TRHDE: variants seen among roughly 807,000 people sequenced by gnomAD.
The protein encoded by TRHDE is thyrotropin releasing hormone degrading enzyme.
Under a neutral mutation model 125.7 loss-of-function variants are expected in TRHDE, and 72 were observed. That is an observed-to-expected ratio of 0.57 (90% CI 0.47 to 0.70). The LOEUF is 0.70. Ranked by LOEUF, TRHDE falls within the 30% of genes least tolerant of loss-of-function variation. TRHDE has a pLI of 0.00. For synonymous variants in TRHDE, 509 were observed against 509.1 expected (o/e 1.00, Z 0.00); for missense variants, 1,110 against 1,327.1 (o/e 0.84, Z 2.54).
At chr12:72,127,338 A>G (rs1328190956) in intron 2 of TRHDE, among the ~76,000 whole-genome samples, 1 of 152,220 alleles carries the variant, frequency 6.6e-6, no homozygotes, top group Non-Finnish European at 1.5e-5. Flanking sequence ...ATTACTAGGT[A>G]TATGTCCAAA....
chr12:72,490,781 G>A (rs1877638429), intron 5 of TRHDE, among the ~76,000 whole-genome samples: 1 of 149,024 alleles, frequency 6.7e-6, no homozygotes, highest in Non-Finnish European at 1.5e-5. Flanking sequence ...AACAACCCTT[G>A]AATATATAGA....
chr12:72,337,922 CTT>C (rs1267384359), intron 2 of TRHDE, among the ~76,000 whole-genome samples: 1 of 151,842 alleles, frequency 6.6e-6, no homozygotes, highest in Non-Finnish European at 1.5e-5. Flanking sequence ...ACTAGCAACA[CTT>C]TTAGGTAAGA....
intron 2 of TRHDE, among the ~76,000 whole-genome samples, chr12:72,109,351 C>T (rs536555208): frequency 6.6e-6 from 1 of 152,014 alleles, no homozygotes; most frequent in African/African-American, 2.4e-5. Context: ...TTTGTGATTT[C>T]TCCTGAGGTT....
At chr12:72,105,098 G>A (rs1484056810) in intron 1 of TRHDE, among the ~76,000 whole-genome samples, 3 of 152,108 alleles carry the variant, frequency 2.0e-5, no homozygotes, top group Non-Finnish European at 4.4e-5. Context: ...CAAGGAAGTG[G>A]GCCTCAGACT....
intron 2 of TRHDE, among the ~76,000 whole-genome samples, chr12:72,305,427 A>T (rs1868325822): frequency 6.6e-6 from 1 of 152,214 alleles, no homozygotes; most frequent in Non-Finnish European, 1.5e-5. Context: ...GACTTCTGCA[A>T]ATGAAATCAC....
intron 2 of TRHDE, among the ~76,000 whole-genome samples, chr12:72,357,301 C>G (rs1442348505): frequency 1.3e-5 from 2 of 151,260 alleles, no homozygotes; most frequent in African/African-American, 4.8e-5. Context: ...CAAAAAATAC[C>G]AAGATGTTTT....
chr12:72,551,294 A>G (rs919983821), intron 7 of TRHDE, among the ~76,000 whole-genome samples: 2 of 152,078 alleles, frequency 1.3e-5, no homozygotes, highest in African/African-American at 4.8e-5. Context: ...TATGGAAGAG[A>G]GAGCTTCATG....
rs941733969 is a variant in TRHDE, at chr12:72,521,384, G to A, written c.1723-20907G>A. 9.2e-5 allele frequency among the ~76,000 whole-genome samples: 14 copies of A among 152,162 alleles called. No individual in the cohort carries two copies. The East Asian group carries it at 1.2e-3, about 13-fold the overall frequency. On this transcript the variant is annotated intron_variant, in intron 6 of 18. Transcript: ENST00000261180. ...AACAGCATAAGGAGCTCAGAAAAGC[G>A]CTATGCCAAGGCTATCTTGGAGCTC...
At chr12:72,364,854 T>TA in intron 2 of TRHDE, among the ~76,000 whole-genome samples, 1 of 152,228 alleles carries the variant, frequency 6.6e-6, no homozygotes, top group South Asian at 2.1e-4. Flanking sequence ...TACCTGGCTG[T>TA]CAGTCTTGCT....
intron 12 of TRHDE, among the ~76,000 whole-genome samples, chr12:72,596,227 T>G (rs1348780397): frequency 6.6e-6 from 1 of 152,168 alleles, no homozygotes; most frequent in East Asian, 1.9e-4. Flanking sequence ...CTTTAGTAGT[T>G]TTGATAAATG....
At chr12:72,501,666 C>T (rs1475553159) in intron 6 of TRHDE, among the ~76,000 whole-genome samples, 1 of 151,954 alleles carries the variant, frequency 6.6e-6, no homozygotes, top group Non-Finnish European at 1.5e-5. Flanking sequence ...CTTGTAACGT[C>T]TTTCACCTTG....
chr12:72,596,354 A>C (rs115497163), intron 12 of TRHDE, among the ~76,000 whole-genome samples: 1 of 152,284 alleles, frequency 6.6e-6, no homozygotes, highest in African/African-American at 2.4e-5. Flanking sequence ...TAAGAAATAC[A>C]TGTAGTTCAC....
intron 2 of TRHDE, among the ~76,000 whole-genome samples, chr12:72,266,600 C>A (rs1057050310): frequency 1.3e-5 from 2 of 151,460 alleles, no homozygotes; most frequent in South Asian, 2.1e-4. Context: ...CTGTCCTCTC[C>A]AAGGAGAGTA....
At chr12:72,505,252 A>G (rs1277689484) in intron 6 of TRHDE, among the ~76,000 whole-genome samples, 2 of 152,140 alleles carry the variant, frequency 1.3e-5, no homozygotes, top group Non-Finnish European at 2.9e-5. Context: ...CATGAAAACT[A>G]CTCTATTTAA....
chr12:72,658,912 C>T (rs757405254), intron 18 of TRHDE, among the ~76,000 whole-genome samples: 17 of 152,120 alleles, frequency 1.1e-4, no homozygotes, highest in Non-Finnish European at 2.1e-4. Context: ...GATTGAGGAA[C>T]ATTATTGTCA....
chr12:72,129,381 GC>G (rs1460076101), intron 2 of TRHDE, among the ~76,000 whole-genome samples: 1 of 151,278 alleles, frequency 6.6e-6, no homozygotes, highest in Non-Finnish European at 1.5e-5. Context: ...TTGTGTAGAT[GC>G]CTTAAACTAT....
intron 18 of TRHDE, among the ~76,000 whole-genome samples, chr12:72,659,720 A>G (rs1874842606): frequency 2.6e-5 from 4 of 152,192 alleles, no homozygotes; most frequent in Admixed American, 2.6e-4. Context: ...AGCACAAACA[A>G]CATTGCCATT....
intron 2 of TRHDE, among the ~76,000 whole-genome samples, chr12:72,342,774 T>C (rs1277608583): frequency 6.6e-6 from 1 of 152,160 alleles, no homozygotes; most frequent in Non-Finnish European, 1.5e-5. Flanking sequence ...AATATAGTTT[T>C]ATAGACAGGA....
intron 1 of TRHDE, among the ~76,000 whole-genome samples, chr12:72,285,523 T>C: frequency 3.1e-5 from 1 of 32,184 alleles, no homozygotes; most frequent in African/African-American, 4.6e-5. Context: ...TTTTTTCTTC[T>C]TTTTTTTTTT....
Sources: allele counts gnomAD v4.1 joint callset (sites outside exome capture counted in the v4.1 genomes callset), GRCh38; gene constraint gnomAD v4.1.1; transcripts MANE v1.5; gene names NCBI Gene and HGNC (gene_info 2026-07-23, HGNC 2026-07-21).